SPTBN5: variants seen among roughly 807,000 people sequenced by gnomAD.
SPTBN5 encodes the protein spectrin beta chain, non-erythrocytic 5.
In SPTBN5, 513 loss-of-function variants were observed where a neutral mutation model predicts 477.6. That is an observed-to-expected ratio of 1.07 (90% CI 1.00 to 1.16). The LOEUF (loss-of-function observed/expected upper bound fraction) is 1.16, where lower values mean the gene tolerates loss of function less well. SPTBN5 is among the 50% of genes most tolerant of loss of function. The pLI is 0.00. For synonymous variants in SPTBN5, 2,169 were observed against 2,011.7 expected (o/e 1.08, Z -2.09); for missense variants, 5,062 against 4,731.8 (o/e 1.07, Z -2.05).
intron 46 of SPTBN5, among the ~76,000 whole-genome samples, chr15:41,861,016 C>A (rs942507745): frequency 1.3e-5 from 2 of 152,286 alleles, no homozygotes; most frequent in African/African-American, 4.8e-5. Context: ...TGAAAGCTCC[C>A]TCCTCTGCAC....
In SPTBN5 at chr15:41,876,881, A is replaced by G; in HGVS notation, c.3779T>C (p.Leu1260Pro). The change falls in exon 19 of 68, where the codon CTG becomes CCG. Residue 1260 changes from leucine to proline, a missense_variant. Physicochemically the swap from Leu to Pro is moderately conservative, Grantham distance 98. Transcript: ENST00000320955. ...CCGCAGAGCCTCTGCCCGAGGCCCC[A>G]GGGTGCTCAGGAGCCGCCCAAACTC... ...HREFGRLLST[L>P]GPRAEALRAH... 1 of 1,610,538 alleles carries G rather than the reference A, an allele frequency of 6.2e-7. No individual in the cohort carries two copies. Among genetic ancestry groups the G allele is most frequent in the Non-Finnish European group, 8.5e-7 (1 of 1,179,794 alleles).
rs2066312516 is a variant in SPTBN5, at chr15:41,866,367, C to T, written c.6607G>A (p.Glu2203Lys). The stretch of plus-strand genomic sequence containing the variant: ...ACCTTGGCAACAGAGGTCATGACCT[C>T]CTCATGGGCCTGGACTTCAGCCTCA... ...AFEAEVQAHE[E>K]VMTSVAKKGE... Residue 2203 changes from glutamate (E) to lysine (K), a missense_variant, in exon 37 of 68, where the codon GAG becomes AAG. Physicochemically the swap from Glu to Lys is moderately conservative, Grantham distance 56. Coordinates refer to ENST00000320955, the MANE Select transcript of SPTBN5 (RefSeq NM_016642.4). The T allele has an allele frequency of 3.7e-6, 6 of 1,607,884 alleles. No individual in the cohort carries two copies. Among genetic ancestry groups the T allele is most frequent in the Non-Finnish European group, 5.1e-6 (6 of 1,177,134 alleles).
rs746926606 is a variant in SPTBN5, at chr15:41,857,001, G to A, written c.8660C>T (p.Thr2887Met). 2.3e-5 allele frequency: 37 copies of A among 1,604,666 alleles called. No individual in the cohort carries two copies. In the East Asian group the frequency reaches 5.2e-4, roughly 22 times the overall value. The change falls in exon 52 of 68, where the codon ACG becomes ATG. Residue 2887 changes from threonine (T) to methionine (M), a missense_variant. Physicochemically the swap from Thr to Met is moderately conservative, Grantham distance 81. Transcript: ENST00000320955. ...GAGGAGGCTCCGGGCCTCCAGGGCCGTCCTGCGCTCCTGCAGGGGCTCCCT... is the reference window on the plus strand; with the variant it reads ...GAGGAGGCTCCGGGCCTCCAGGGCCATCCTGCGCTCCTGCAGGGGCTCCCT... ...SLREPLQERR[T>M]ALEARSLLLK...
intron 36 of SPTBN5, 63 bp from the exon 37 acceptor site, chr15:41,866,556 C>T: frequency 6.9e-7 from 1 of 1,448,214 alleles, no homozygotes; most frequent in East Asian, 2.5e-5. Flanking sequence ...ACGCCACAGG[C>T]CTAGCCCCCA....
chr15:41,860,449 C>T, intron 47 of SPTBN5, 137 bp downstream of exon 47: 5 of 981,584 alleles, frequency 5.1e-6, no homozygotes, highest in Non-Finnish European at 5.4e-6. Flanking sequence ...GTGGGGACCC[C>T]CGGCATCTGA....
intron 12 of SPTBN5, among the ~76,000 whole-genome samples, 184 bp downstream of exon 12, chr15:41,881,752 T>C (rs1278802734): frequency 1.3e-5 from 2 of 152,216 alleles, no homozygotes; most frequent in Non-Finnish European, 2.9e-5. Flanking sequence ...AGGATTCCAC[T>C]ACTTCTGGGC....
At chr15:41,850,024 T>C (rs924278355) in intron 66 of SPTBN5, 65 bp from the exon 67 acceptor site, 4 of 1,335,690 alleles carry the variant, frequency 3.0e-6, no homozygotes, top group Non-Finnish European at 4.2e-6. Context: ...CAGGTCTGGC[T>C]GCTCCTTCCT....
Position 41,869,822 on chromosome 15 carries a change from A to C in SPTBN5, c.5853+19T>G. 1 of 1,537,676 alleles carries C rather than the reference A, an allele frequency of 6.5e-7. No individual in the cohort carries two copies. Among genetic ancestry groups the C allele is most frequent in the East Asian group, 2.3e-5 (1 of 42,592 alleles). On this transcript the variant is annotated intron_variant, in intron 32 of 67. Coordinates refer to ENST00000320955, the MANE Select transcript of SPTBN5 (RefSeq NM_016642.4). ...ACACACATGCACACACACACCACCC[A>C]AAGGGCAGGAGCCCTCACCGCCGTG...
At chr15:41,850,063 A>AG (rs1211385313) in intron 66 of SPTBN5, 104 bp from the exon 67 acceptor site, 9 of 996,518 alleles carry the variant, frequency 9.0e-6, no homozygotes, top group Middle Eastern at 4.1e-4. Context: ...GCACAGCCTT[A>AG]GGCAGCCTGG....
intron 32 of SPTBN5, 95 bp downstream of exon 32, chr15:41,869,746 C>T: frequency 7.9e-7 from 1 of 1,271,376 alleles, no homozygotes; most frequent in Non-Finnish European, 1.0e-6. Context: ...GCTTGTTCTC[C>T]CTCCGGAGCT....
At position 41,871,833 on chromosome 15, in the gene SPTBN5, C is replaced by T. The variant is rs1406561503; in HGVS notation, c.5250G>A (p.Lys1750=). 2.5e-6 allele frequency: 4 copies of T among 1,591,146 alleles called. No homozygotes were observed. Among genetic ancestry groups the T allele is most frequent in the Non-Finnish European group, 3.4e-6 (4 of 1,169,364 alleles). The change falls in exon 28 of 68, where the codon AAG becomes AAA. Residue 1750 remains lysine, a synonymous_variant. Coordinates refer to ENST00000320955, the MANE Select transcript of SPTBN5 (RefSeq NM_016642.4). The part of the protein sequence containing the change: ...EDLQGWLASQ[K]QAAKGGESLG... The stretch of plus-strand genomic sequence containing the variant: ...GGCTCTCCCCTCCTTTGGCTGCCTG[C>T]TTCTGGCTTGCCAGCCAGCCCTGCA...
intron 26 of SPTBN5, 89 bp downstream of exon 26, chr15:41,873,403 G>C: frequency 1.0e-6 from 1 of 989,974 alleles, no homozygotes; most frequent in South Asian, 1.5e-5. Flanking sequence ...GCAGGGCTCC[G>C]TGCCTCTGAG....
At chr15:41,852,778 G>T (rs367708703) in intron 60 of SPTBN5, 43 bp from the exon 61 acceptor site, 50 of 1,608,166 alleles carry the variant, frequency 3.1e-5, no homozygotes, top group South Asian at 1.5e-4. Flanking sequence ...TTGGGGGGGG[G>T]GGCCCAGAGC....
intron 7 of SPTBN5, among the ~76,000 whole-genome samples, chr15:41,885,184 T>C (rs930347168): frequency 1.3e-5 from 2 of 152,078 alleles, no homozygotes; most frequent in African/African-American, 2.4e-5. Flanking sequence ...CCACCACGCC[T>C]GGCTAATTTT....
Position 41,854,942 on chromosome 15 carries a change from T to G in SPTBN5, c.9458A>C (p.Glu3153Ala). ...LEEKFDAFRK[E>A]VQSLGQAKVY... ...CTTGGCCTGGCCCAGGCTCTGCACT[T>G]CCTTTCTGAAAGCATCAAACTTCTC... The change falls in exon 56 of 68, where the codon GAA becomes GCA. Residue 3153 changes from glutamate to alanine, a missense_variant. Transcript: ENST00000320955. 1 of 1,562,508 alleles carries G rather than the reference T, an allele frequency of 6.4e-7. No individual in the cohort carries two copies. The highest frequency in any genetic ancestry group is 8.7e-7 in the Non-Finnish European group (1 of 1,155,654).
chr15:41,866,234 A>T lies in SPTBN5; in HGVS notation c.6631-5T>A. 1 of 1,588,570 alleles carries T rather than the reference A, an allele frequency of 6.3e-7. No individual in the cohort carries two copies. Reference sequence around the variant, plus strand: ...TGCCAGGAGAGCCTCTCCCTTCTGGAGGGAGAGAGGGGACACAGGACATCT... The same window carrying T: ...TGCCAGGAGAGCCTCTCCCTTCTGGTGGGAGAGAGGGGACACAGGACATCT... On this transcript the variant is annotated splice_polypyrimidine_tract_variant and splice_region_variant and intron_variant, in intron 37 of 67. Coordinates refer to ENST00000320955, the MANE Select transcript of SPTBN5 (RefSeq NM_016642.4).
intron 65 of SPTBN5, 53 bp from the exon 66 acceptor site, chr15:41,850,992 G>A (rs957444396): frequency 2.6e-5 from 42 of 1,588,832 alleles, no homozygotes; most frequent in Middle Eastern, 1.7e-4. Context: ...GGACCCCCAC[G>A]CCTCCAGCCC....
rs1312635674 is a variant in SPTBN5 at position 41,877,276 on chromosome 15, C to T, written c.3551G>A (p.Arg1184Lys). Reference sequence around the variant, plus strand: ...CTCCTGGCCCTGCTGCCCCAGGACCCTCAGAGTGTTGGGCACCTCTTGGGA... The same window carrying T: ...CTCCTGGCCCTGCTGCCCCAGGACCTTCAGAGTGTTGGGCACCTCTTGGGA... ...PDSQEVPNTL[R>K]VLGQQGQELK... Residue 1184 changes from arginine to lysine, a missense_variant, in exon 18 of 68, where the codon AGG (arginine) becomes AAG (lysine). Arg to Lys is a conservative substitution (Grantham distance 26). Coordinates refer to ENST00000320955, the MANE Select transcript of SPTBN5 (RefSeq NM_016642.4). 1.9e-6 allele frequency: 3 copies of T among 1,613,826 alleles called. No individual in the cohort carries two copies. The highest frequency in any genetic ancestry group is 3.3e-5 in the Admixed American group (2 of 60,014).
intron 19 of SPTBN5, 38 bp downstream of exon 19, chr15:41,876,771 G>A: frequency 1.2e-6 from 2 of 1,608,552 alleles, no homozygotes; most frequent in South Asian, 2.2e-5. Flanking sequence ...GCTGAGAAAG[G>A]GTCATCTGCA....
Sources: allele counts gnomAD v4.1 joint callset (sites outside exome capture counted in the v4.1 genomes callset), GRCh38; gene constraint gnomAD v4.1.1; transcripts MANE v1.5; gene names NCBI Gene and HGNC (gene_info 2026-07-23, HGNC 2026-07-21).